MAGI1: variants seen among roughly 807,000 people sequenced by gnomAD.
MAGI1 encodes membrane associated guanylate kinase, WW and PDZ domain containing 1, also known as membrane-associated guanylate kinase, WW and PDZ domain-containing protein 1.
A neutral mutation model predicts 139.9 loss-of-function variants in MAGI1; 58 were observed. The observed-to-expected ratio is 0.41, with a 90% confidence interval of 0.34 to 0.52. The LOEUF (loss-of-function observed/expected upper bound fraction) is 0.52, where lower values mean the gene tolerates loss of function less well. Ranked by LOEUF, MAGI1 falls within the 20% of genes least tolerant of loss-of-function variation. MAGI1 has a pLI of 0.12. For synonymous variants in MAGI1, 812 were observed against 737.9 expected (o/e 1.10, Z -1.63); for missense variants, 1,874 against 1,901.6 (o/e 0.99, Z 0.27).
intron 1 of MAGI1, among the ~76,000 whole-genome samples, chr3:65,976,147 C>T (rs1042188883): frequency 2.0e-5 from 3 of 152,158 alleles, no homozygotes; most frequent in African/African-American, 7.2e-5. Context: ...CTGGTGGTGA[C>T]TTTTTGCTGC....
chr3:66,016,584 T>C (rs2067651589), intron 1 of MAGI1, among the ~76,000 whole-genome samples: 1 of 152,168 alleles, frequency 6.6e-6, no homozygotes, highest in Admixed American at 6.5e-5. Flanking sequence ...AGCTGGAGAC[T>C]TTGGGTAAGT....
intron 1 of MAGI1, among the ~76,000 whole-genome samples, chr3:65,624,797 C>A (rs997419639): frequency 6.6e-6 from 1 of 152,124 alleles, no homozygotes; most frequent in Non-Finnish European, 1.5e-5. Context: ...TTATAATATC[C>A]TGTGAATATA....
intron 1 of MAGI1, among the ~76,000 whole-genome samples, chr3:65,774,237 A>G (rs1298907819): frequency 6.6e-6 from 1 of 152,202 alleles, no homozygotes; most frequent in African/African-American, 2.4e-5. Context: ...ACACAAGCAA[A>G]GAAGTCCTGA....
At chr3:65,743,916 C>A (rs2035483051) in intron 1 of MAGI1, among the ~76,000 whole-genome samples, 1 of 151,120 alleles carries the variant, frequency 6.6e-6, no homozygotes. Context: ...ATATACTCAC[C>A]AAGACACCAT....
At chr3:65,466,844 C>A (rs759935262) in intron 5 of MAGI1, among the ~76,000 whole-genome samples, 2 of 152,216 alleles carry the variant, frequency 1.3e-5, no homozygotes, top group Non-Finnish European at 2.9e-5. Context: ...GAGGTTTCAG[C>A]TCCTAGTCCC....
intron 1 of MAGI1, chr3:65,688,142 G>GT: frequency 2.6e-6 from 2 of 759,588 alleles, no homozygotes; most frequent in Non-Finnish European, 2.3e-6. Flanking sequence ...GACTGTTCCT[G>GT]CCAGGGTCCA....
intron 1 of MAGI1, among the ~76,000 whole-genome samples, chr3:65,903,058 G>A (rs987597833): frequency 2.6e-5 from 4 of 151,992 alleles, no homozygotes; most frequent in Admixed American, 6.6e-5. Flanking sequence ...GCGCAATCTC[G>A]GCTCACTGCA....
At position 65,487,357 on chromosome 3, in the gene MAGI1, T is replaced by C. The variant is rs945913921; in HGVS notation, c.550+6155A>G. On this transcript the variant is annotated intron_variant, in intron 3 of 22. Coordinates refer to ENST00000402939, the MANE Select transcript of MAGI1 (RefSeq NM_001033057.2). ...GTGACCACAACCATATCTGCTTTTGTTCAGCATTTTATCTTTAATGAATAA... is the reference window on the plus strand; with the variant it reads ...GTGACCACAACCATATCTGCTTTTGCTCAGCATTTTATCTTTAATGAATAA... Among the ~76,000 whole-genome samples the C allele has an allele frequency of 3.3e-5, 5 of 152,206 alleles. No individual in the cohort carries two copies. The East Asian group carries it at 5.8e-4, about 18-fold the overall frequency.
chr3:65,495,565 T>C (rs1952370553), intron 2 of MAGI1, among the ~76,000 whole-genome samples: 1 of 152,192 alleles, frequency 6.6e-6, no homozygotes, highest in Non-Finnish European at 1.5e-5. Context: ...ACAAAGCTCA[T>C]GCCCTGATGG....
chr3:65,587,365 A>G (rs1381881915), intron 2 of MAGI1, among the ~76,000 whole-genome samples: 2 of 151,988 alleles, frequency 1.3e-5, no homozygotes, highest in Non-Finnish European at 2.9e-5. Flanking sequence ...CATGTAATTT[A>G]TTGAATACTG....
intron 1 of MAGI1, among the ~76,000 whole-genome samples, chr3:65,661,477 C>T (rs1055104906): frequency 1.3e-5 from 2 of 152,098 alleles, no homozygotes; most frequent in African/African-American, 4.8e-5. Context: ...TATGAATAAC[C>T]ATCAAGCCCT....
chr3:65,884,431 G>T (rs1411603668), intron 1 of MAGI1, among the ~76,000 whole-genome samples: 2 of 152,046 alleles, frequency 1.3e-5, no homozygotes, highest in Non-Finnish European at 2.9e-5. Flanking sequence ...GGTGAACAAT[G>T]GCCAAAAAGT....
chr3:65,365,355 C>T (rs1322354156), intron 18 of MAGI1, among the ~76,000 whole-genome samples: 1 of 152,174 alleles, frequency 6.6e-6, no homozygotes, highest in Non-Finnish European at 1.5e-5. Flanking sequence ...ATGTTTCCTG[C>T]AATTTATCAG....
intron 12 of MAGI1, among the ~76,000 whole-genome samples, chr3:65,409,740 G>A (rs1945638672): frequency 6.6e-6 from 1 of 151,828 alleles, no homozygotes; most frequent in African/African-American, 2.4e-5. Flanking sequence ...CAGACCCAAT[G>A]TCTCCAAAAA....
intron 1 of MAGI1, among the ~76,000 whole-genome samples, chr3:65,623,869 T>C (rs933715137): frequency 6.6e-6 from 1 of 152,160 alleles, no homozygotes; most frequent in East Asian, 1.9e-4. Context: ...AATACATATA[T>C]TCAAACCAAT....
At chr3:65,464,486 G>C (rs1226310728) in intron 5 of MAGI1, among the ~76,000 whole-genome samples, 1 of 151,968 alleles carries the variant, frequency 6.6e-6, no homozygotes, top group Non-Finnish European at 1.5e-5. Context: ...TTTCCCTTGA[G>C]ACTTCCTCTT....
rs559021022 is a variant in MAGI1, at chr3:65,558,044, G to A, written c.430+63928C>T. ...AATAGGATCTGATCCAGGTCTGTCC[G>A]GACTGCAGTCTCTCTACTGTCACTG... On this transcript the variant is annotated intron_variant, in intron 2 of 22. Coordinates refer to ENST00000402939, the MANE Select transcript of MAGI1 (RefSeq NM_001033057.2). Among the ~76,000 whole-genome samples, 21 of 152,156 alleles carry A rather than the reference G, an allele frequency of 1.4e-4. No homozygotes were observed. In the East Asian group the frequency reaches 2.1e-3, roughly 15 times the overall value.
chr3:65,828,283 A>C (rs571805069), intron 1 of MAGI1, among the ~76,000 whole-genome samples: 21 of 152,332 alleles, frequency 1.4e-4, no homozygotes, highest in African/African-American at 4.8e-4. Flanking sequence ...GGTGAACATC[A>C]AGCACCAACA....
chr3:65,858,864 T>C (rs980871432), intron 1 of MAGI1, among the ~76,000 whole-genome samples: 1 of 152,224 alleles, frequency 6.6e-6, no homozygotes, highest in South Asian at 2.1e-4. Flanking sequence ...GCTTGTATTA[T>C]TATTTCAGTT....
Sources: gnomAD v4.1 joint callset for allele counts (sites outside exome capture counted in the v4.1 genomes callset) on GRCh38, gnomAD v4.1.1 for gene constraint, MANE v1.5 for transcripts, NCBI Gene and HGNC (gene_info 2026-07-23, HGNC 2026-07-21) for gene names.